TNKS: variants seen among roughly 807,000 people sequenced by gnomAD.
TNKS encodes tankyrase.
TNKS carries 72 observed loss-of-function variants against 135.8 expected under a neutral mutation model. The ratio of observed to expected loss-of-function variants is 0.53; its 90% confidence interval spans 0.44 to 0.64. The LOEUF (loss-of-function observed/expected upper bound fraction) is 0.64, where lower values mean the gene tolerates loss of function less well. TNKS is among the 30% of genes least tolerant of loss of function. The pLI is 0.00. For missense variants in TNKS, 1,769 were observed against 1,674.0 expected, an observed-to-expected ratio of 1.06 and a Z score of -0.99; for synonymous variants, 849 against 649.3, an observed-to-expected ratio of 1.31 and a Z score of -4.68.
intron 1 of TNKS, among the ~76,000 whole-genome samples, chr8:9,568,985 C>T (rs1000692667): frequency 7.2e-5 from 11 of 152,132 alleles, no homozygotes; most frequent in African/African-American, 2.7e-4. Flanking sequence ...GTTCTTGAAG[C>T]TGTGCAGATA....
intron 3 of TNKS, among the ~76,000 whole-genome samples, chr8:9,674,729 G>C (rs1349908045): frequency 6.6e-6 from 1 of 152,164 alleles, no homozygotes; most frequent in Non-Finnish European, 1.5e-5. Flanking sequence ...TTGGTACTAA[G>C]CAGAGTGATG....
At chr8:9,750,482 T>G (rs1366875339) in intron 18 of TNKS, among the ~76,000 whole-genome samples, 4 of 152,204 alleles carry the variant, frequency 2.6e-5, no homozygotes, top group Admixed American at 2.6e-4. Flanking sequence ...TTATTTAGGT[T>G]TACGTTCTAC....
intron 18 of TNKS, among the ~76,000 whole-genome samples, chr8:9,749,380 G>A (rs1158744654): frequency 1.3e-5 from 2 of 152,082 alleles, no homozygotes; most frequent in Non-Finnish European, 1.5e-5. Flanking sequence ...CATCTACTCT[G>A]GAGTTAGGGA....
intron 3 of TNKS, among the ~76,000 whole-genome samples, chr8:9,664,853 C>A (rs183549721): frequency 8.1e-4 from 124 of 152,308 alleles, no homozygotes; most frequent in African/African-American, 2.8e-3. Context: ...TAACCTTTTA[C>A]CCCATAAGGA....
intron 20 of TNKS, among the ~76,000 whole-genome samples, chr8:9,759,315 A>T (rs1349036196): frequency 6.6e-6 from 1 of 152,204 alleles, no homozygotes; most frequent in South Asian, 2.1e-4. Context: ...ACCTAATGTA[A>T]AAAGTAATTT....
In TNKS at chr8:9,708,499, T is replaced by G; in HGVS notation, c.1578+7T>G. Reference sequence around the variant, plus strand: ...GTCTCATGAAACAGCACTGGTAAGATTTTATTGTTAATCTATTCCCTGTGT... The same window carrying G: ...GTCTCATGAAACAGCACTGGTAAGAGTTTATTGTTAATCTATTCCCTGTGT... On this transcript the variant is annotated splice_region_variant and intron_variant, in intron 9 of 26. Transcript: ENST00000310430. 3 of 1,583,466 alleles carry G rather than the reference T, an allele frequency of 1.9e-6. No homozygotes were observed. Among genetic ancestry groups the G allele is most frequent in the African/African-American group, 1.4e-5 (1 of 73,956 alleles).
chr8:9,765,777 A>G lies in TNKS; in HGVS notation c.3533A>G (p.Asn1178Ser), dbSNP rs760395898. 2.5e-6 allele frequency: 4 copies of G among 1,613,850 alleles called. No homozygotes were observed. The Admixed American group carries it at 5.0e-5, about 20-fold the overall frequency. Reference sequence around the variant, plus strand: ...TCTGAGGAGAATCACAACCATCACAATGAGCGCATGTTGTTTCATGGTAAG... The same window carrying G: ...TCTGAGGAGAATCACAACCATCACAGTGAGCGCATGTTGTTTCATGGTAAG... Reference protein sequence around the residue: ...EVSEENHNHHNERMLFHGSPF... With the variant: ...EVSEENHNHHSERMLFHGSPF... The change falls in exon 24 of 27, where the codon AAT (asparagine) becomes AGT (serine). Residue 1178 changes from asparagine to serine, a missense_variant. By Grantham distance (46) the Asn-to-Ser change is conservative. Around this residue, in one of 5 missense-constraint regions of TNKS, gnomAD observed 722 missense variants for 688.9 expected, o/e 1.05. Transcript: ENST00000310430.
Position 9,720,424 on chromosome 8 carries a change from A to T in TNKS, c.1800A>T (p.Leu600=), listed in dbSNP as rs555923871. 1 of 1,614,076 alleles carries T rather than the reference A, an allele frequency of 6.2e-7. No individual in the cohort carries two copies. Among genetic ancestry groups the T allele is most frequent in the Admixed American group, 1.7e-5 (1 of 60,022 alleles). The change falls in exon 12 of 27, where the codon CTA becomes CTT. Residue 600 remains leucine (L), a synonymous_variant. Coordinates refer to ENST00000310430, the MANE Select transcript of TNKS (RefSeq NM_003747.3). ...LGQTALHRAA[L]AGHLQTCRLL... is the part of the protein sequence containing the mutation. ...AGACTGCTTTGCATAGAGCCGCCCT[A>T]GCAGGTCACCTGCAGACCTGCCGCC...
At chr8:9,744,963 AT>A (rs1357703095) in intron 17 of TNKS, among the ~76,000 whole-genome samples, 1 of 152,192 alleles carries the variant, frequency 6.6e-6, no homozygotes, top group African/African-American at 2.4e-5. Flanking sequence ...GAAACAGGTA[AT>A]TTTCCTTGGA....
intron 1 of TNKS, among the ~76,000 whole-genome samples, chr8:9,578,534 C>T (rs904041035): frequency 9.9e-5 from 15 of 152,164 alleles, no homozygotes; most frequent in African/African-American, 3.6e-4. Flanking sequence ...TAATACATAT[C>T]TGTGGAAATG....
chr8:9,660,136 A>G (rs1168350910), intron 3 of TNKS, among the ~76,000 whole-genome samples: 1 of 152,252 alleles, frequency 6.6e-6, no homozygotes, highest in African/African-American at 2.4e-5. Flanking sequence ...AGATGGATTC[A>G]CAGCCGAATT....
At chr8:9,612,901 C>G (rs2128764301) in intron 2 of TNKS, among the ~76,000 whole-genome samples, 1 of 152,184 alleles carries the variant, frequency 6.6e-6, no homozygotes, top group Middle Eastern at 3.4e-3. Context: ...GTAAAGCAAG[C>G]TAGAGAAAAG....
intron 11 of TNKS, among the ~76,000 whole-genome samples, chr8:9,719,427 A>T (rs1003820392): frequency 9.2e-5 from 14 of 152,242 alleles, no homozygotes; most frequent in Non-Finnish European, 1.5e-5. Context: ...ACATGCACTC[A>T]TATTCTCAAT....
chr8:9,603,416 C>T (rs1405908428), intron 2 of TNKS, among the ~76,000 whole-genome samples: 1 of 152,190 alleles, frequency 6.6e-6, no homozygotes, highest in Non-Finnish European at 1.5e-5. Context: ...AGTCACGTTT[C>T]AAGAATGCGA....
chr8:9,703,305 T>A (rs1481150242), intron 5 of TNKS, among the ~76,000 whole-genome samples: 2 of 152,190 alleles, frequency 1.3e-5, no homozygotes, highest in Non-Finnish European at 2.9e-5. Flanking sequence ...AGCTTAAAAC[T>A]TATCAATTGT....
chr8:9,582,312 G>T (rs1291243558), intron 2 of TNKS, among the ~76,000 whole-genome samples: 4 of 147,416 alleles, frequency 2.7e-5, no homozygotes, highest in African/African-American at 5.0e-5. Flanking sequence ...GGGAAGCCTT[G>T]TTTTTTTTTT....
intron 5 of TNKS, 39 bp downstream of exon 5, chr8:9,680,839 C>G: frequency 1.3e-6 from 2 of 1,550,122 alleles, no homozygotes; most frequent in Non-Finnish European, 1.8e-6. Context: ...AATTGCAATG[C>G]TTCAAAATTT....
At chr8:9,753,044 CCACAA>C (rs1806634536) in intron 20 of TNKS, among the ~76,000 whole-genome samples, 1 of 151,950 alleles carries the variant, frequency 6.6e-6, no homozygotes, top group Admixed American at 6.6e-5. Context: ...ATTCTTAAAC[CCACAA>C]CACATTTCTA....
chr8:9,673,792 G>A (rs4570159), intron 3 of TNKS, among the ~76,000 whole-genome samples: 22,477 of 151,876 alleles, frequency 0.15, 1,846 homozygotes, highest in Admixed American at 0.23. Context: ...GTTCATTTCC[G>A]TTTTCCTAAA....
Sources: allele counts gnomAD v4.1 joint callset (sites outside exome capture counted in the v4.1 genomes callset), GRCh38; gene constraint gnomAD v4.1.1; regional missense constraint gnomAD v4.1.1; transcripts MANE v1.5; gene names NCBI Gene and HGNC (gene_info 2026-07-23, HGNC 2026-07-21).